PTN: variants seen among roughly 807,000 people sequenced by gnomAD.
The protein encoded by PTN is pleiotrophin, also known as heparin affin regulatory protein.
In PTN, 18 loss-of-function variants were observed where a neutral mutation model predicts 24.1. The ratio of observed to expected loss-of-function variants is 0.75; its 90% CI spans 0.52 to 1.11. The LOEUF is 1.11. Ranked by LOEUF, PTN falls within the 50% of genes least tolerant of loss-of-function variation. The pLI, the probability that PTN is intolerant of heterozygous loss-of-function variation, is 0.00. For missense variants in PTN, 163 were observed against 198.8 expected (o/e 0.82, Z 1.08); for synonymous variants, 78 against 68.6 (o/e 1.14, Z -0.67).
chr7:137,270,654 A>G (rs1037701259), intron 1 of PTN, among the ~76,000 whole-genome samples: 11 of 152,210 alleles, frequency 7.2e-5, no homozygotes, highest in African/African-American at 2.7e-4. Context: ...TCTAGGCAAT[A>G]AAAATAAGGA....
At chr7:137,298,066 T>C (rs1809748085) in intron 1 of PTN, among the ~76,000 whole-genome samples, 1 of 151,926 alleles carries the variant, frequency 6.6e-6, no homozygotes. Flanking sequence ...CAACATAAAG[T>C]ACCTGGGTCA....
At chr7:137,240,358 A>G (rs1056499732) in intron 4 of PTN, among the ~76,000 whole-genome samples, 5 of 152,066 alleles carry the variant, frequency 3.3e-5, no homozygotes, top group Admixed American at 2.0e-4. Flanking sequence ...AAACAATGCT[A>G]AAGGACTCTC....
At chr7:137,261,924 C>T (rs771969746) in intron 1 of PTN, among the ~76,000 whole-genome samples, 22 of 152,112 alleles carry the variant, frequency 1.4e-4, no homozygotes, top group Non-Finnish European at 2.6e-4. Flanking sequence ...AAACAAAGTA[C>T]ATCAGATAAT....
At chr7:137,283,479 G>A (rs181552622) in intron 1 of PTN, among the ~76,000 whole-genome samples, 49 of 152,290 alleles carry the variant, frequency 3.2e-4, no homozygotes, top group African/African-American at 1.1e-3. Context: ...AGGCTTCATT[G>A]ATTATTCAGA....
chr7:137,338,462 G>A (rs1169630105), intron 1 of PTN, among the ~76,000 whole-genome samples: 1 of 152,150 alleles, frequency 6.6e-6, no homozygotes, highest in East Asian at 1.9e-4. Flanking sequence ...GGAACAAACA[G>A]ACATAATGCT....
intron 1 of PTN, among the ~76,000 whole-genome samples, chr7:137,278,978 TAA>T: frequency 6.9e-6 from 1 of 145,390 alleles, no homozygotes; most frequent in Non-Finnish European, 1.5e-5. Flanking sequence ...ATAATAATAA[TAA>T]TAAAATAAAG....
chr7:137,307,077 C>G (rs911107450), intron 1 of PTN, among the ~76,000 whole-genome samples: 14 of 152,068 alleles, frequency 9.2e-5, no homozygotes, highest in African/African-American at 3.4e-4. Context: ...AACTGAAATT[C>G]AATTAGGTAT....
intron 1 of PTN, among the ~76,000 whole-genome samples, chr7:137,319,047 C>T (rs1810120256): frequency 6.6e-6 from 1 of 152,118 alleles, no homozygotes; most frequent in Non-Finnish European, 1.5e-5. Flanking sequence ...CTTTTGTCCA[C>T]CACTCTCTAC....
intron 1 of PTN, among the ~76,000 whole-genome samples, chr7:137,314,067 T>C (rs946294147): frequency 5.9e-5 from 9 of 152,206 alleles, no homozygotes; most frequent in Non-Finnish European, 1.3e-4. Context: ...TATAATTCTA[T>C]TATTCAGCTG....
intron 1 of PTN, among the ~76,000 whole-genome samples, chr7:137,333,443 A>G (rs1217235415): frequency 6.6e-6 from 1 of 152,144 alleles, no homozygotes; most frequent in African/African-American, 2.4e-5. Flanking sequence ...TATGTTCCTT[A>G]TTAATTAAAT....
chr7:137,269,678 G>A (rs1403832053), intron 1 of PTN, among the ~76,000 whole-genome samples: 1 of 132,786 alleles, frequency 7.5e-6, no homozygotes, highest in East Asian at 2.3e-4. Context: ...CTGTCACCAG[G>A]CTGGAGTCCA....
chr7:137,305,184 A>G (rs1356060122), intron 1 of PTN, among the ~76,000 whole-genome samples: 2 of 152,092 alleles, frequency 1.3e-5, no homozygotes, highest in African/African-American at 4.8e-5. Flanking sequence ...CTAAATTCAG[A>G]TCAACCTCAA....
At chr7:137,236,662 C>G (rs1015431121) in intron 4 of PTN, among the ~76,000 whole-genome samples, 1 of 152,048 alleles carries the variant, frequency 6.6e-6, no homozygotes, top group African/African-American at 2.4e-5. Flanking sequence ...CACAAAAGAA[C>G]GATTTATCTC....
intron 1 of PTN, among the ~76,000 whole-genome samples, chr7:137,340,807 T>G (rs1330774886): frequency 1.3e-5 from 2 of 152,198 alleles, no homozygotes; most frequent in Non-Finnish European, 2.9e-5. Flanking sequence ...CATCTCAAAC[T>G]GGGCTGAGGT....
At chr7:137,264,136 C>G (rs556253148) in intron 1 of PTN, among the ~76,000 whole-genome samples, 8 of 152,306 alleles carry the variant, frequency 5.3e-5, no homozygotes, top group African/African-American at 1.7e-4. Flanking sequence ...TCTGTAGGCT[C>G]TAATTCTCAG....
At chr7:137,283,967 T>C (rs1481546078) in intron 1 of PTN, among the ~76,000 whole-genome samples, 1 of 85,466 alleles carries the variant, frequency 1.2e-5, no homozygotes, top group Admixed American at 1.2e-4. Flanking sequence ...TTTTTTTTTT[T>C]TTTTTTTTTT....
At position 137,251,229 on chromosome 7, in the gene PTN, C is replaced by T. The variant is rs778426923; in HGVS notation, c.451+1G>A. 6.2e-7 allele frequency: 1 copy of T among 1,613,954 alleles called. No individual in the cohort carries two copies. Reference sequence around the variant, plus strand: ...ATTGTGGTATAATGGCAAGGACTTACCTTGAGGTTTGGGCTTGGTCAGTTT... The same window carrying T: ...ATTGTGGTATAATGGCAAGGACTTATCTTGAGGTTTGGGCTTGGTCAGTTT... On this transcript the variant is annotated splice_donor_variant, in intron 4 of 4. Coordinates refer to ENST00000348225, the MANE Select transcript of PTN (RefSeq NM_002825.7). LOFTEE classifies it high-confidence loss of function.
At chr7:137,243,977 A>G (rs1220202091) in intron 4 of PTN, among the ~76,000 whole-genome samples, 5 of 152,148 alleles carry the variant, frequency 3.3e-5, no homozygotes, top group African/African-American at 1.2e-4. Flanking sequence ...AGATTCTTTG[A>G]ACTATATAAT....
At chr7:137,277,035 A>G (rs1370009698) in intron 1 of PTN, among the ~76,000 whole-genome samples, 1 of 152,246 alleles carries the variant, frequency 6.6e-6, no homozygotes, top group Non-Finnish European at 1.5e-5. Flanking sequence ...ATGTTTACAA[A>G]ATATGTATCT....
Sources: allele counts gnomAD v4.1 joint callset (sites outside exome capture counted in the v4.1 genomes callset), GRCh38; gene constraint gnomAD v4.1.1; transcripts MANE v1.5; gene names NCBI Gene and HGNC (gene_info 2026-07-23, HGNC 2026-07-21).